Variants in MYO16 observed in about 807,000 individuals in gnomAD.
MYO16 encodes myosin XVI.
A neutral mutation model predicts 205.3 loss-of-function variants in MYO16; 94 were observed. The observed-to-expected ratio is 0.46, with a 90% CI of 0.39 to 0.54. The LOEUF (loss-of-function observed/expected upper bound fraction) is 0.54, where lower values mean the gene tolerates loss of function less well. Among genes scored for constraint, MYO16 ranks in the 20% least tolerant of loss-of-function variants. MYO16 has a pLI of 0.00. For synonymous variants in MYO16, 988 were observed against 954.0 expected, an observed-to-expected ratio of 1.04 and a Z score of -0.66; for missense variants, 2,315 against 2,387.5, an observed-to-expected ratio of 0.97 and a Z score of 0.63.
chr13:108,580,667 G>A, the MYO16 span, among the ~76,000 whole-genome samples: 30 of 152,290 alleles, frequency 2.0e-4, no homozygotes, highest in African/African-American at 7.0e-4. Flanking sequence ...GGGACTACAG[G>A]AGAGTGCACT....
In MYO16 at chr13:108,796,319, G is replaced by A. The variant is rs542240528; in HGVS notation, c.741+2679G>A. Among the ~76,000 whole-genome samples, 18 of 152,268 alleles carry A rather than the reference G, an allele frequency of 1.2e-4. No homozygotes were observed. The South Asian group carries it at 3.5e-3, about 30-fold the overall frequency. On this transcript the variant is annotated intron_variant, in intron 6 of 34. Coordinates refer to ENST00000457511, the MANE Select transcript of MYO16 (RefSeq NM_001198950.3). ...TAGGAACACTCTTACACTGTTGGTG[G>A]GACTGTAAACTAGTTCAACCATTGT...
chr13:109,040,385 C>CACACAGAGAGAG (rs1394314811), intron 23 of MYO16, among the ~76,000 whole-genome samples: 25 of 113,286 alleles, frequency 2.2e-4, no homozygotes, highest in East Asian at 1.1e-3. Flanking sequence ...CACACACACA[C>CACACAGAGAGAG]AGAGAGAGAG....
chr13:108,797,994 G>C (rs1182079127), intron 6 of MYO16, among the ~76,000 whole-genome samples: 1 of 152,042 alleles, frequency 6.6e-6, no homozygotes, highest in African/African-American at 2.4e-5. Flanking sequence ...GCAAATAATT[G>C]TTCTAAAATA....
At chr13:109,158,331 C>G (rs1390895999) in intron 32 of MYO16, among the ~76,000 whole-genome samples, 2 of 152,184 alleles carry the variant, frequency 1.3e-5, no homozygotes, top group East Asian at 3.8e-4. Context: ...TCCACTCTTG[C>G]AGAGTTTTTG....
chr13:108,852,847 G>A (rs1877956276), intron 10 of MYO16, among the ~76,000 whole-genome samples: 1 of 152,162 alleles, frequency 6.6e-6, no homozygotes, highest in Non-Finnish European at 1.5e-5. Context: ...TCATCACATA[G>A]AGAATGAAAA....
In MYO16 at chr13:109,127,212, T is replaced by C; in HGVS notation, c.3783-70T>C. 1 of 1,490,678 alleles carries C rather than the reference T, an allele frequency of 6.7e-7. No homozygotes were observed. The highest frequency in any genetic ancestry group is 1.4e-5 in the South Asian group (1 of 72,976). 92.3% of individuals were successfully genotyped at this position (1,490,678 alleles called of 1,614,324 possible). Reference sequence around the variant, plus strand: ...CGTCATTATGTCTGCTTGAGCAGGTTCCTTGTTACCGGAATAATGCATCTG... The same window carrying C: ...CGTCATTATGTCTGCTTGAGCAGGTCCCTTGTTACCGGAATAATGCATCTG... On this transcript the variant is annotated intron_variant, in intron 30 of 34. Transcript: ENST00000457511. The surrounding 1 kb of genome is among the most constrained non-coding windows in gnomAD (Gnocchi z 4.2).
At chr13:108,681,522 G>A (rs1303629172) in intron 2 of MYO16, among the ~76,000 whole-genome samples, 1 of 152,226 alleles carries the variant, frequency 6.6e-6, no homozygotes, top group Admixed American at 6.5e-5. Context: ...CAAGGCAGGT[G>A]AGGTTCTTGA....
At chr13:108,578,692 G>A in the MYO16 span, among the ~76,000 whole-genome samples, 111 of 152,198 alleles carry the variant, frequency 7.3e-4, no homozygotes, top group South Asian at 0.01. Flanking sequence ...TACATTTCTC[G>A]TGTTCAACTT....
intron 2 of MYO16, among the ~76,000 whole-genome samples, chr13:108,668,805 A>G (rs1881855105): frequency 6.6e-6 from 1 of 152,150 alleles, no homozygotes; most frequent in Non-Finnish European, 1.5e-5. Flanking sequence ...GCAGCTCACT[A>G]GTAACCATGC....
rs565989059 is a variant in MYO16 at position 108,898,224 on chromosome 13, G to A, written c.1777+91G>A. 11 of 932,090 alleles carry A rather than the reference G, an allele frequency of 1.2e-5. 1 individual carries two copies. In the South Asian group the frequency reaches 1.4e-4, roughly 12 times the overall value. 57.7% of individuals were successfully genotyped at this position (932,090 alleles called of 1,614,324 possible). ...GGCACGCTATGGACACACTGTGTAT[G>A]AATCAATGCTGGGAGAGAAAACCTA... On this transcript the variant is annotated intron_variant, in intron 15 of 34. Transcript: ENST00000457511.
chr13:108,563,864 T>C, the MYO16 span, among the ~76,000 whole-genome samples: 2 of 152,300 alleles, frequency 1.3e-5, no homozygotes, highest in African/African-American at 2.4e-5. Flanking sequence ...TACCCAGCAG[T>C]GGGATTGCTG....
At chr13:109,032,165 T>G (rs1308297961) in intron 23 of MYO16, among the ~76,000 whole-genome samples, 1 of 152,164 alleles carries the variant, frequency 6.6e-6, no homozygotes, top group Non-Finnish European at 1.5e-5. Context: ...GTTTTGGGGT[T>G]GATTCCACAT....
intron 2 of MYO16, among the ~76,000 whole-genome samples, chr13:108,676,308 T>C (rs1243437283): frequency 8.6e-5 from 13 of 151,880 alleles, no homozygotes; most frequent in Admixed American, 8.5e-4. Context: ...AAATTTACAT[T>C]ATTAAGGAGC....
At chr13:108,564,851 T>G in the MYO16 span, among the ~76,000 whole-genome samples, 36 of 152,272 alleles carry the variant, frequency 2.4e-4, no homozygotes, top group African/African-American at 8.2e-4. Flanking sequence ...GGGGGTCAAG[T>G]TTCATTCTTC....
intron 27 of MYO16, among the ~76,000 whole-genome samples, chr13:109,068,423 A>G (rs545482913): frequency 6.6e-6 from 1 of 152,308 alleles, no homozygotes; most frequent in East Asian, 1.9e-4. Context: ...GCGTTCTGCC[A>G]TGTTTTACTT....
intron 28 of MYO16, among the ~76,000 whole-genome samples, chr13:109,115,203 G>A (rs771668260): frequency 1.1e-4 from 13 of 114,602 alleles, no homozygotes; most frequent in East Asian, 5.8e-4. Context: ...CACAACCACC[G>A]TTCCAGCATT....
the MYO16 span, among the ~76,000 whole-genome samples, chr13:108,550,865 T>A: frequency 1.3e-5 from 2 of 152,210 alleles, no homozygotes; most frequent in Admixed American, 6.5e-5. Context: ...TCCTTGACAG[T>A]GTGTCTTAAA....
the MYO16 span, among the ~76,000 whole-genome samples, chr13:108,520,807 A>C: frequency 6.6e-6 from 1 of 152,218 alleles, no homozygotes; most frequent in South Asian, 2.1e-4. Context: ...ATGTATAGAC[A>C]GTAAGCTTTC....
At chr13:108,926,596 A>G (rs1882017752) in intron 16 of MYO16, among the ~76,000 whole-genome samples, 2 of 152,126 alleles carry the variant, frequency 1.3e-5, no homozygotes, top group Admixed American at 1.3e-4. Flanking sequence ...TGAAAAAGTC[A>G]CCAGGAACAG....
Sources: allele counts gnomAD v4.1 joint callset (sites outside exome capture counted in the v4.1 genomes callset), GRCh38; gene constraint gnomAD v4.1.1; non-coding constraint Gnocchi (gnomAD v3.1); transcripts MANE v1.5; gene names NCBI Gene and HGNC (gene_info 2026-07-23, HGNC 2026-07-21).